Variants in BICC1 observed in about 807,000 individuals in gnomAD.
The protein encoded by BICC1 is protein bicaudal C homolog 1.
BICC1 carries 43 observed loss-of-function variants against 111.0 expected under a neutral mutation model. That is an observed-to-expected ratio of 0.39 (90% CI 0.30 to 0.50). The LOEUF is 0.50. Ranked by LOEUF, BICC1 falls within the 20% of genes least tolerant of loss-of-function variation. The pLI, the probability that BICC1 is intolerant of heterozygous loss-of-function variation, is 0.88. For synonymous variants in BICC1, 467 were observed against 434.4 expected (o/e 1.07, Z -0.93); for missense variants, 1,091 against 1,203.2 (o/e 0.91, Z 1.38).
At chr10:58,796,172 A>G (rs1157913906) in intron 9 of BICC1, among the ~76,000 whole-genome samples, 168 bp from the exon 10 acceptor site, 3 of 152,188 alleles carry the variant, frequency 2.0e-5, no homozygotes, top group Non-Finnish European at 4.4e-5. Context: ...AGAAGGAGTA[A>G]TCTTAAGCAC....
intron 2 of BICC1, among the ~76,000 whole-genome samples, chr10:58,688,779 A>G (rs1032042108): frequency 6.6e-6 from 1 of 152,150 alleles, no homozygotes; most frequent in African/African-American, 2.4e-5. Flanking sequence ...CTACACAGGA[A>G]CATAAAACCA....
intron 2 of BICC1, among the ~76,000 whole-genome samples, chr10:58,675,997 G>C (rs1310324624): frequency 6.6e-6 from 1 of 152,202 alleles, no homozygotes; most frequent in African/African-American, 2.4e-5. Context: ...AGCAGAAGCA[G>C]GGTGGGGAGT....
chr10:58,627,469 C>T (rs1837667194), intron 2 of BICC1, among the ~76,000 whole-genome samples: 1 of 152,154 alleles, frequency 6.6e-6, no homozygotes, highest in South Asian at 2.1e-4. Context: ...TCGGCATTTC[C>T]CTTAATCGAA....
At chr10:58,553,468 C>A (rs1252930435) in intron 1 of BICC1, among the ~76,000 whole-genome samples, 1 of 152,098 alleles carries the variant, frequency 6.6e-6, no homozygotes, top group African/African-American at 2.4e-5. Flanking sequence ...CTAGAGTTTC[C>A]AGTAGGATTG....
chr10:58,761,850 T>C lies in BICC1; in HGVS notation c.308-23151T>C, dbSNP rs1394476510. Among the ~76,000 whole-genome samples the C allele has an allele frequency of 2.0e-5, 3 of 152,230 alleles. No individual in the cohort carries two copies. The East Asian group carries it at 5.8e-4, about 29-fold the overall frequency. ...TGAACACATTTCAGGAGCTGAGAAG[T>C]TCCTATCCATCATGAATAAAAGCAA... On this transcript the variant is annotated intron_variant, in intron 3 of 20. Transcript: ENST00000373886.
chr10:58,679,990 C>G lies in BICC1; in HGVS notation c.238-22084C>G, dbSNP rs550744166. Among the ~76,000 whole-genome samples the G allele has an allele frequency of 1.1e-4, 17 of 152,258 alleles. No homozygotes were observed. The South Asian group carries it at 1.9e-3, about 17-fold the overall frequency. On this transcript the variant is annotated intron_variant, in intron 2 of 20. Coordinates refer to ENST00000373886, the MANE Select transcript of BICC1 (RefSeq NM_001080512.3). ...AAGGCCTTCGATAAAATTCAACACC[C>G]CTTCATGCTAAAAACACTCAATAAA...
rs762592167 is a variant in BICC1 at position 58,798,532 on chromosome 10, C to T, written c.1500C>T (p.Pro500=). The change falls in exon 11 of 21, where the codon CCC becomes CCT. Residue 500 remains proline, a synonymous_variant. Transcript: ENST00000373886. ...SGTPSPTLWA[P]PLANTSSATG... ...CACCCAGCCCCACATTATGGGCACCCCCACTTGCTAATACTTCAAGTGCCA... is the reference window on the plus strand; with the variant it reads ...CACCCAGCCCCACATTATGGGCACCTCCACTTGCTAATACTTCAAGTGCCA... 1.9e-5 allele frequency: 31 copies of T among 1,610,336 alleles called. No individual in the cohort carries two copies. Among genetic ancestry groups the T allele is most frequent in the Non-Finnish European group, 2.5e-5 (29 of 1,178,660 alleles).
intron 20 of BICC1, among the ~76,000 whole-genome samples, chr10:58,821,782 G>A (rs975086762): frequency 3.3e-5 from 5 of 152,090 alleles, no homozygotes; most frequent in Admixed American, 6.6e-5. Context: ...ATTCAATTAG[G>A]AGATCTGGGC....
chr10:58,553,165 A>C (rs1322288533), intron 1 of BICC1, among the ~76,000 whole-genome samples: 3 of 152,168 alleles, frequency 2.0e-5, no homozygotes, highest in Non-Finnish European at 4.4e-5. Flanking sequence ...AAAGATGTCC[A>C]TATTCAAATC....
intron 3 of BICC1, among the ~76,000 whole-genome samples, chr10:58,705,637 C>T (rs1254701976): frequency 6.6e-6 from 1 of 152,150 alleles, no homozygotes; most frequent in Non-Finnish European, 1.5e-5. Context: ...TTTTCATGTG[C>T]ACAGGGCATT....
chr10:58,638,664 G>T (rs1768438297), intron 2 of BICC1, among the ~76,000 whole-genome samples: 1 of 152,086 alleles, frequency 6.6e-6, no homozygotes, highest in Non-Finnish European at 1.5e-5. Context: ...GAGAAAGGAT[G>T]CCCAGAGGCT....
At chr10:58,790,864 A>T (rs1589141278) in intron 8 of BICC1, among the ~76,000 whole-genome samples, 1 of 152,356 alleles carries the variant, frequency 6.6e-6, no homozygotes, top group East Asian at 1.9e-4. Context: ...TAATGTAGTA[A>T]CAAAATGGAT....
At chr10:58,579,255 G>T (rs965661117) in intron 1 of BICC1, among the ~76,000 whole-genome samples, 3 of 152,154 alleles carry the variant, frequency 2.0e-5, no homozygotes, top group African/African-American at 7.2e-5. Flanking sequence ...AGCTCAGTGG[G>T]TGTCCACAAG....
At chr10:58,669,726 G>A (rs190923235) in intron 2 of BICC1, among the ~76,000 whole-genome samples, 220 of 152,144 alleles carry the variant, frequency 1.4e-3, no homozygotes, top group Admixed American at 4.1e-3. Flanking sequence ...CCCTTAAAAC[G>A]TTACATAATT....
chr10:58,706,538 T>C (rs1031002501), intron 3 of BICC1, among the ~76,000 whole-genome samples: 1 of 152,208 alleles, frequency 6.6e-6, no homozygotes, highest in Admixed American at 6.5e-5. Context: ...TTTGGCTGTG[T>C]CCCCACCCAA....
intron 1 of BICC1, among the ~76,000 whole-genome samples, chr10:58,576,576 C>T (rs958967401): frequency 3.3e-5 from 5 of 152,178 alleles, no homozygotes; most frequent in African/African-American, 1.2e-4. Context: ...TACTTCGTGC[C>T]TCCCATCCTC....
chr10:58,793,852 G>C (rs371291385), intron 9 of BICC1, among the ~76,000 whole-genome samples: 1 of 152,244 alleles, frequency 6.6e-6, no homozygotes. Flanking sequence ...TGCCCAACCA[G>C]TGCAGATATT....
In BICC1 at chr10:58,568,749, C is replaced by G. The variant is rs1353305091; in HGVS notation, c.191-52106C>G. ...TTTTTTCCTACTCCTGTGCTCCACT[C>G]CCTTCTCCCCCTTGCCTTCCCTCAA... On this transcript the variant is annotated intron_variant, in intron 1 of 20. Coordinates refer to ENST00000373886, the MANE Select transcript of BICC1 (RefSeq NM_001080512.3). Among the ~76,000 whole-genome samples the G allele has an allele frequency of 4.6e-5, 7 of 152,164 alleles. No homozygotes were observed. In the East Asian group the frequency reaches 1.2e-3, roughly 25 times the overall value.
intron 2 of BICC1, among the ~76,000 whole-genome samples, chr10:58,679,864 A>G (rs1839461829): frequency 1.3e-5 from 2 of 152,218 alleles, no homozygotes; most frequent in Admixed American, 1.3e-4. Flanking sequence ...TATCCCTGGG[A>G]TGCGCAAGGC....
Sources: allele counts gnomAD v4.1 joint callset (sites outside exome capture counted in the v4.1 genomes callset), GRCh38; gene constraint gnomAD v4.1.1; transcripts MANE v1.5; gene names NCBI Gene and HGNC (gene_info 2026-07-23, HGNC 2026-07-21).